Variants in FBN2 observed in about 807,000 individuals in gnomAD.
FBN2 encodes fibrillin 2, also known as fibrillin-2.
FBN2 carries 105 observed loss-of-function variants against 355.6 expected under a neutral mutation model. That is an observed-to-expected ratio of 0.30 (90% CI 0.25 to 0.35). FBN2 has a LOEUF of 0.35. FBN2 is among the 10% of genes least tolerant of loss of function. FBN2 has a pLI of 1.00. For missense variants in FBN2, 3,280 were observed against 3,758.7 expected, an observed-to-expected ratio of 0.87 and a Z score of 3.33; for synonymous variants, 1,350 against 1,301.2, an observed-to-expected ratio of 1.04 and a Z score of -0.81.
At position 128,345,505 on chromosome 5, in the gene FBN2, A is replaced by G; in HGVS notation, c.3069T>C (p.Asp1023=). 1 of 1,614,212 alleles carries G rather than the reference A, an allele frequency of 6.2e-7. No homozygotes were observed. Among genetic ancestry groups the G allele is most frequent in the Non-Finnish European group, 8.5e-7 (1 of 1,180,028 alleles). Residue 1023 remains aspartate, a synonymous_variant, in exon 24 of 65, where the codon GAT becomes GAC. Transcript: ENST00000262464. ...IHPVPGKFRM[D]ACCCAVGAAW... ...CCGCCCCGACAGCACAGCAGCAGGC[A>G]TCCATGCGGAACTTTCCAGGAACGG...
intron 25 of FBN2, among the ~76,000 whole-genome samples, chr5:128,340,605 T>A (rs1250131098): frequency 6.6e-6 from 1 of 152,300 alleles, no homozygotes; most frequent in Middle Eastern, 3.4e-3. Context: ...AGTTTCATAG[T>A]ATAAACAGTG....
chr5:128,335,052 A>G, intron 30 of FBN2, 118 bp downstream of exon 30: 1 of 1,463,042 alleles, frequency 6.8e-7, no homozygotes, highest in Non-Finnish European at 9.5e-7. Context: ...TTCTAGTAAA[A>G]TGATTTGAAT....
In FBN2 at chr5:128,393,215, G is replaced by C; in HGVS notation, c.1385C>G (p.Pro462Arg). Residue 462 changes from proline (P) to arginine (R), a missense_variant, in exon 10 of 65, where the codon CCT (proline) becomes CGT (arginine). This residue lies in a region of FBN2 where 343 missense variants were observed against 331.0 expected (regional missense o/e 1.04). Transcript: ENST00000262464. ...GPGGTGFIPI[P>R]GGNGFSPGVG... ...GCCAGGAGAAAAGCCATTGCCTCCA[G>C]GGATGGGGATGAAGCCTGTCCCTCC... The C allele has an allele frequency of 6.2e-7, 1 of 1,614,198 alleles. No individual in the cohort carries two copies. The highest frequency in any genetic ancestry group is 8.5e-7 in the Non-Finnish European group (1 of 1,180,022).
At chr5:128,307,362 G>C (rs921518740) in intron 41 of FBN2, among the ~76,000 whole-genome samples, 159 bp from the exon 42 acceptor site, 6 of 152,062 alleles carry the variant, frequency 3.9e-5, no homozygotes, top group African/African-American at 1.2e-4. Context: ...GCTTCTGCTA[G>C]GAGTGGATCT....
At chr5:128,277,451 T>A (rs779479569) in intron 58 of FBN2, among the ~76,000 whole-genome samples, 1 of 152,244 alleles carries the variant, frequency 6.6e-6, no homozygotes, top group African/African-American at 2.4e-5. Flanking sequence ...AACATTCTCT[T>A]AATATACACA....
At chr5:128,427,021 C>T (rs1753500779) in intron 7 of FBN2, among the ~76,000 whole-genome samples, 1 of 152,288 alleles carries the variant, frequency 6.6e-6, no homozygotes, top group South Asian at 2.1e-4. Flanking sequence ...TTGAAGACTT[C>T]CAAATTTATA....
At chr5:128,344,825 C>A (rs915137117) in intron 24 of FBN2, among the ~76,000 whole-genome samples, 1 of 151,958 alleles carries the variant, frequency 6.6e-6, no homozygotes, top group African/African-American at 2.4e-5. Context: ...CTCAGCCTCC[C>A]GAGTAGCTGA....
chr5:128,336,180 T>C (rs570707307), intron 27 of FBN2, 67 bp from the exon 28 acceptor site: 1 of 1,523,778 alleles, frequency 6.6e-7, no homozygotes, highest in Non-Finnish European at 9.1e-7. Flanking sequence ...AGAAAGGTGC[T>C]TCACCAGAGC....
chr5:128,435,890 G>A (rs1180879670), intron 7 of FBN2, among the ~76,000 whole-genome samples: 1 of 152,116 alleles, frequency 6.6e-6, no homozygotes, highest in African/African-American at 2.4e-5. Flanking sequence ...TTTTTTCACA[G>A]ATTTCATGTT....
At chr5:128,331,018 A>C (rs1750677131) in intron 32 of FBN2, among the ~76,000 whole-genome samples, 1 of 152,238 alleles carries the variant, frequency 6.6e-6, no homozygotes, top group African/African-American at 2.4e-5. Context: ...TCAGTAGAAG[A>C]ATCAATTCTG....
intron 5 of FBN2, among the ~76,000 whole-genome samples, chr5:128,474,874 C>T (rs868064795): frequency 2.6e-5 from 4 of 152,304 alleles, no homozygotes; most frequent in South Asian, 4.1e-4. Context: ...CTGGGGTTGT[C>T]GTTACTTGAG....
chr5:128,288,505 A>G lies in FBN2; in HGVS notation c.6690T>C (p.Asn2230=), dbSNP rs768038503. 2 of 1,613,882 alleles carry G rather than the reference A, an allele frequency of 1.2e-6. No homozygotes were observed. The highest frequency in any genetic ancestry group is 4.5e-5 in the East Asian group (2 of 44,870). Residue 2230 remains asparagine, a synonymous_variant, in exon 53 of 65, where the codon AAT becomes AAC. Transcript: ENST00000262464. The part of the protein sequence containing the change: ...GNPCGNGTCT[N]VIGSFECNCN... Reference sequence around the variant, plus strand: ...AATTGCATTCAAAACTCCCAATAACATTGGTGCATGTACCATTTCCACACG... The same window carrying G: ...AATTGCATTCAAAACTCCCAATAACGTTGGTGCATGTACCATTTCCACACG...
At chr5:128,388,893 G>C (rs1424151174) in intron 11 of FBN2, among the ~76,000 whole-genome samples, 32 of 152,168 alleles carry the variant, frequency 2.1e-4, no homozygotes, top group Admixed American at 2.0e-3. Context: ...CTCTAGCAAG[G>C]TTGGATAATT....
At chr5:128,310,325 AG>A (rs1369558436) in intron 39 of FBN2, among the ~76,000 whole-genome samples, 4 of 148,906 alleles carry the variant, frequency 2.7e-5, no homozygotes, top group African/African-American at 9.8e-5. Flanking sequence ...AAGCATCAAA[AG>A]AAATTATTCT....
intron 48 of FBN2, among the ~76,000 whole-genome samples, chr5:128,293,658 G>A (rs2126824330): frequency 6.6e-6 from 1 of 152,058 alleles, no homozygotes; most frequent in East Asian, 1.9e-4. Context: ...AGGAAAGGTA[G>A]CCAAGACTGC....
chr5:128,497,137 T>C (rs1258359069), intron 5 of FBN2, among the ~76,000 whole-genome samples: 1 of 152,180 alleles, frequency 6.6e-6, no homozygotes, highest in African/African-American at 2.4e-5. Context: ...CTTTCCTAAG[T>C]GTCTTCAACA....
rs532387014 is a variant in FBN2, at chr5:128,356,936, TA to T, written c.2674+339del. 6.6e-5 allele frequency among the ~76,000 whole-genome samples: 10 copies of T among 152,306 alleles called. No individual in the cohort carries two copies. The South Asian group carries it at 1.0e-3, about 16-fold the overall frequency. Reference sequence around the variant, plus strand: ...TTTGTTTGCCATTGAAGTTTGTTTATAAAAAAGTATGGAGTAGAGATTTGAT... The same window carrying T: ...TTTGTTTGCCATTGAAGTTTGTTTATAAAAAGTATGGAGTAGAGATTTGAT... On this transcript the variant is annotated intron_variant, in intron 20 of 64. Coordinates refer to ENST00000262464, the MANE Select transcript of FBN2 (RefSeq NM_001999.4).
chr5:128,494,034 T>C (rs1201959864), intron 5 of FBN2, among the ~76,000 whole-genome samples: 2 of 152,084 alleles, frequency 1.3e-5, no homozygotes, highest in Non-Finnish European at 2.9e-5. Flanking sequence ...ACGCAAGCAA[T>C]AGCAAATATG....
At chr5:128,429,758 A>G (rs1441519742) in intron 7 of FBN2, among the ~76,000 whole-genome samples, 2 of 152,184 alleles carry the variant, frequency 1.3e-5, no homozygotes, top group Non-Finnish European at 1.5e-5. Flanking sequence ...ATCATAGTAA[A>G]TTAAGAAAAA....
Sources: gnomAD v4.1 joint callset for allele counts (sites outside exome capture counted in the v4.1 genomes callset) on GRCh38, gnomAD v4.1.1 for gene constraint, gnomAD v4.1.1 regional missense constraint, MANE v1.5 for transcripts, NCBI Gene and HGNC (gene_info 2026-07-23, HGNC 2026-07-21) for gene names.